TIAM2: variants seen among roughly 807,000 people sequenced by gnomAD.
The protein encoded by TIAM2 is rho guanine nucleotide exchange factor TIAM2.
Under a neutral mutation model 152.9 loss-of-function variants are expected in TIAM2, and 80 were observed. That is an observed-to-expected ratio of 0.52 (90% CI 0.44 to 0.63). TIAM2 has a LOEUF of 0.63. Ranked by LOEUF, TIAM2 falls within the 30% of genes least tolerant of loss-of-function variation. The pLI, the probability that TIAM2 is intolerant of heterozygous loss-of-function variation, is 0.00. For missense variants in TIAM2, 1,965 were observed against 2,120.1 expected (o/e 0.93, Z 1.44); for synonymous variants, 804 against 838.0 (o/e 0.96, Z 0.70).
rs536257231 is a variant in TIAM2, at chr6:155,198,164, T to C, written c.3065-13040T>C. Among the ~76,000 whole-genome samples, 31 of 152,320 alleles carry C rather than the reference T, an allele frequency of 2.0e-4. No homozygotes were observed. In the East Asian group the frequency reaches 5.8e-3, roughly 28 times the overall value. On this transcript the variant is annotated intron_variant, in intron 14 of 26. Coordinates refer to ENST00000682666, the MANE Select transcript of TIAM2 (RefSeq NM_012454.4). ...CTTCCTCTTTTGAACTCTGAAGGCA[T>C]TTTGTCTGTATGGCTGATATGAAAG... is the stretch of plus-strand genomic sequence containing the variant.
At chr6:155,056,167 C>CTTTTTTTTTTT (rs763205169) in intron 1 of TIAM2, among the ~76,000 whole-genome samples, 15 of 98,620 alleles carry the variant, frequency 1.5e-4, no homozygotes, top group Non-Finnish European at 2.1e-4. Context: ...TATTGTTCTT[C>CTTTTTTTTTTT]TTTTTTTTTT....
intron 2 of TIAM2, among the ~76,000 whole-genome samples, chr6:155,125,744 A>G (rs1779278503): frequency 1.3e-5 from 2 of 151,986 alleles, no homozygotes; most frequent in African/African-American, 4.8e-5. Context: ...AGGCTGAGGC[A>G]GGGGAGTCAC....
chr6:155,089,955 T>C (rs1778264632), intron 1 of TIAM2, among the ~76,000 whole-genome samples: 1 of 152,142 alleles, frequency 6.6e-6, no homozygotes, highest in South Asian at 2.1e-4. Context: ...TCAGTCTGTC[T>C]GTCCATCCAT....
chr6:155,155,976 C>T (rs755558942), intron 7 of TIAM2, among the ~76,000 whole-genome samples: 25 of 152,180 alleles, frequency 1.6e-4, no homozygotes, highest in Admixed American at 5.9e-4. Flanking sequence ...AGGTGACAGA[C>T]AGTTGAGCTC....
chr6:155,049,408 A>G (rs1777273172), intron 1 of TIAM2, among the ~76,000 whole-genome samples: 1 of 152,152 alleles, frequency 6.6e-6, no homozygotes, highest in African/African-American at 2.4e-5. Context: ...AAATAAAATT[A>G]GATAATGGAA....
Position 155,256,498 on chromosome 6 carries a change from TTAAAAG to T in TIAM2, c.4485_4490del (p.Leu1495_Val1497delinsPhe). On this transcript the variant is annotated inframe_deletion, in exon 27 of 27. Coordinates refer to ENST00000682666, the MANE Select transcript of TIAM2 (RefSeq NM_012454.4). Reference sequence around the variant, plus strand: ...TCTCACTGTAGCTTCATCCAGGTCTTTAAAAGTCCTGAAGAATTCCTCCAGCAACGA... The same window carrying T: ...TCTCACTGTAGCTTCATCCAGGTCTTTCCTGAAGAATTCCTCCAGCAACGA... 6.2e-7 allele frequency: 1 copy of T among 1,614,200 alleles called. No homozygotes were observed. The highest frequency in any genetic ancestry group is 1.1e-5 in the South Asian group (1 of 91,084).
intron 1 of TIAM2, among the ~76,000 whole-genome samples, chr6:154,996,169 TCCAG>T (rs1190819688): frequency 1.3e-5 from 2 of 152,256 alleles, no homozygotes; most frequent in African/African-American, 4.8e-5. Flanking sequence ...AGTCCATTCT[TCCAG>T]CCATTCGTTG....
chr6:155,168,819 A>T lies in TIAM2; in HGVS notation c.2361+3410A>T, dbSNP rs1032728034. 7.2e-6 allele frequency: 11 copies of T among 1,524,934 alleles called. No homozygotes were observed. In the African/African-American group the frequency reaches 1.5e-4, roughly 21 times the overall value. 94.5% of individuals were successfully genotyped at this position (1,524,934 alleles called of 1,614,324 possible). A position where few individuals can be genotyped will look rare whatever the true frequency, so the allele number is the denominator to read the frequency against. On this transcript the variant is annotated intron_variant, in intron 9 of 26. Transcript: ENST00000682666. ...ATGAATATTACAGGGCCATTTCATT[A>T]GTCTTTTTCCTCCCCCATCTGTCAG... is the stretch of plus-strand genomic sequence containing the variant.
intron 2 of TIAM2, among the ~76,000 whole-genome samples, chr6:155,115,757 T>C (rs1317734964): frequency 1.3e-5 from 2 of 151,936 alleles, no homozygotes; most frequent in Non-Finnish European, 2.9e-5. Context: ...TTATTTTCTG[T>C]AAAACAGGGA....
intron 1 of TIAM2, among the ~76,000 whole-genome samples, chr6:155,080,856 C>T (rs1022714409): frequency 3.9e-5 from 6 of 152,172 alleles, no homozygotes; most frequent in African/African-American, 1.4e-4. Flanking sequence ...CCAACATCCC[C>T]AGTCTTGGGA....
intron 1 of TIAM2, among the ~76,000 whole-genome samples, chr6:155,048,150 A>G (rs1777244315): frequency 6.6e-6 from 1 of 152,014 alleles, no homozygotes; most frequent in Non-Finnish European, 1.5e-5. Flanking sequence ...ACAGGGTTTC[A>G]CTGTATTGGC....
chr6:155,237,120 G>A (rs1469032776), intron 15 of TIAM2, among the ~76,000 whole-genome samples: 1 of 152,234 alleles, frequency 6.6e-6, no homozygotes, highest in Admixed American at 6.5e-5. Flanking sequence ...TACAATGGGG[G>A]TACAGGCATT....
At chr6:155,003,686 C>T (rs889592277) in intron 1 of TIAM2, among the ~76,000 whole-genome samples, 5 of 152,150 alleles carry the variant, frequency 3.3e-5, no homozygotes, top group Admixed American at 6.5e-5. Context: ...ACTGCCTTAT[C>T]TCTCCCCCTC....
At position 155,234,175 on chromosome 6, in the gene TIAM2, T is replaced by C. The variant is rs146289312; in HGVS notation, c.3169-6355T>C. 5.3e-5 allele frequency among the ~76,000 whole-genome samples: 8 copies of C among 152,332 alleles called. No homozygotes were observed. In the East Asian group the frequency reaches 1.5e-3, roughly 29 times the overall value. Reference sequence around the variant, plus strand: ...GTTTGTAGCATTGATTGCTACAAACTGGAAAAAACCAATCTGAGGCCCCCA... The same window carrying C: ...GTTTGTAGCATTGATTGCTACAAACCGGAAAAAACCAATCTGAGGCCCCCA... On this transcript the variant is annotated intron_variant, in intron 15 of 26. Coordinates refer to ENST00000682666, the MANE Select transcript of TIAM2 (RefSeq NM_012454.4).
At chr6:155,173,379 T>A (rs2115121673) in intron 9 of TIAM2, among the ~76,000 whole-genome samples, 1 of 152,242 alleles carries the variant, frequency 6.6e-6, no homozygotes, top group East Asian at 1.9e-4. Flanking sequence ...TCAGAGCAGT[T>A]GTAGCACAGC....
At chr6:155,152,485 T>G (rs547335697) in intron 7 of TIAM2, among the ~76,000 whole-genome samples, 72 of 152,168 alleles carry the variant, frequency 4.7e-4, no homozygotes, top group Admixed American at 9.2e-4. Flanking sequence ...AGGTTGGGAG[T>G]CCATGTGGAG....
At chr6:155,112,144 G>C (rs1002309636) in intron 2 of TIAM2, among the ~76,000 whole-genome samples, 29 of 48,250 alleles carry the variant, frequency 6.0e-4, no homozygotes, top group African/African-American at 2.0e-3. Flanking sequence ...TTTTTTTTTT[G>C]AGATGGAGTC....
intron 14 of TIAM2, among the ~76,000 whole-genome samples, chr6:155,206,399 C>A (rs1368281110): frequency 1.3e-5 from 2 of 152,138 alleles, no homozygotes; most frequent in African/African-American, 4.8e-5. Flanking sequence ...CCAGGCCCGG[C>A]TAATTTTTTG....
chr6:155,152,001 C>G (rs552724732), intron 7 of TIAM2, among the ~76,000 whole-genome samples: 1 of 151,824 alleles, frequency 6.6e-6, no homozygotes, highest in Non-Finnish European at 1.5e-5. Flanking sequence ...CCCGCCACCA[C>G]GCCCGGCTAA....
Sources: allele counts gnomAD v4.1 joint callset (sites outside exome capture counted in the v4.1 genomes callset), GRCh38; gene constraint gnomAD v4.1.1; transcripts MANE v1.5; gene names NCBI Gene and HGNC (gene_info 2026-07-23, HGNC 2026-07-21).